ST6GAL2: variants seen among roughly 807,000 people sequenced by gnomAD.
The protein encoded by ST6GAL2 is ST6 beta-galactoside alpha-2,6-sialyltransferase 2.
ST6GAL2 carries 24 observed loss-of-function variants against 37.5 expected under a neutral mutation model. The observed-to-expected ratio is 0.64, with a 90% CI of 0.46 to 0.90. The LOEUF (loss-of-function observed/expected upper bound fraction) is 0.90. ST6GAL2 is among the 40% of genes least tolerant of loss of function. The pLI is 0.00. For missense variants in ST6GAL2, 715 were observed against 712.7 expected, an observed-to-expected ratio of 1.00 and a Z score of -0.04; for synonymous variants, 306 against 295.1, an observed-to-expected ratio of 1.04 and a Z score of -0.38.
At chr2:106,852,014 C>A (rs1017915393) in intron 1 of ST6GAL2, among the ~76,000 whole-genome samples, 58 of 152,128 alleles carry the variant, frequency 3.8e-4, no homozygotes, top group African/African-American at 1.4e-3. Context: ...CTCTTAACAC[C>A]CTTATTGGCA....
chr2:106,803,822 G>T lies in ST6GAL2; in HGVS notation c.*2856C>A, dbSNP rs1445991615. The T allele has an allele frequency of 6.6e-6, 1 of 152,162 alleles. No individual in the cohort carries two copies. Among genetic ancestry groups the T allele is most frequent in the Non-Finnish European group, 1.5e-5 (1 of 68,046 alleles). The allele number at this position is 152,162 out of a possible 1,614,324, so 9.4% of individuals were successfully genotyped here. On this transcript the variant is annotated 3_prime_UTR_variant, in exon 6 of 6. Transcript: ENST00000409382. ...AGAGACAGAACCTGGGAGAAATTCA[G>T]TGAGCTGCCACTTACTGTTAACTAC...
intron 5 of ST6GAL2, among the ~76,000 whole-genome samples, chr2:106,826,943 G>A (rs1157238050): frequency 6.6e-6 from 1 of 152,146 alleles, no homozygotes; most frequent in African/African-American, 2.4e-5. Flanking sequence ...CGGAGGCCAG[G>A]GACACTGCCA....
At position 106,829,876 on chromosome 2, in the gene ST6GAL2, G is replaced by A. The variant is rs80212560; in HGVS notation, c.1318+190C>T. ...CATTTTGGATTTTTGGATTAGAGATGCTCAATCGGTTAAATATCTGCAAAT... is the reference window on the plus strand; with the variant it reads ...CATTTTGGATTTTTGGATTAGAGATACTCAATCGGTTAAATATCTGCAAAT... On this transcript the variant is annotated intron_variant, in intron 5 of 5. Transcript: ENST00000409382. 3.0e-3 allele frequency among the ~76,000 whole-genome samples: 453 copies of A among 151,384 alleles called. 3 individuals carry two copies. The highest frequency in any genetic ancestry group is 0.017 in the Middle Eastern group (5 of 292).
chr2:106,878,438 T>C (rs1398436493), intron 1 of ST6GAL2, among the ~76,000 whole-genome samples: 1 of 152,126 alleles, frequency 6.6e-6, no homozygotes. Flanking sequence ...TACTCCAGCC[T>C]AGGCAACAGA....
Position 106,806,855 on chromosome 2 carries a change from C to G in ST6GAL2, c.1413G>C (p.Leu471=). The change falls in exon 6 of 6, where the codon CTG becomes CTC. Residue 471 remains leucine (L), a synonymous_variant. Transcript: ENST00000409382. ...CGAGGGTGCAGGCTGCGTCGTAGTA[C>G]AGCTCGTGGTAGTGGCACAGCTCCG... is the stretch of plus-strand genomic sequence containing the variant. ...RQTELCHYHE[L]YYDAACTLGA... is the part of the protein sequence containing the mutation. 6.2e-7 allele frequency: 1 copy of G among 1,614,176 alleles called. No homozygotes were observed. The highest frequency in any genetic ancestry group is 8.5e-7 in the Non-Finnish European group (1 of 1,180,048).
chr2:106,815,159 C>G (rs1675754694), intron 5 of ST6GAL2, among the ~76,000 whole-genome samples: 1 of 152,072 alleles, frequency 6.6e-6, no homozygotes, highest in Non-Finnish European at 1.5e-5. Flanking sequence ...TTCTGTGAAC[C>G]CAGAGGACAA....
At chr2:106,838,556 T>C (rs983700187) in intron 2 of ST6GAL2, among the ~76,000 whole-genome samples, 5 of 152,156 alleles carry the variant, frequency 3.3e-5, no homozygotes, top group Non-Finnish European at 5.9e-5. Context: ...CTCTCTACAG[T>C]GACTATCTGC....
In ST6GAL2 at chr2:106,874,320, G is replaced by A. The variant is rs145478310; in HGVS notation, c.-58+11773C>T. ...GTGGAAGTTAGGGGTTGGGAGGCGG[G>A]CAGAAGGAGAGGGAAGGAACCAAGT... On this transcript the variant is annotated intron_variant, in intron 1 of 5. Transcript: ENST00000409382. Among the ~76,000 whole-genome samples, 12 of 152,230 alleles carry A rather than the reference G, an allele frequency of 7.9e-5. No homozygotes were observed. The East Asian group carries it at 2.1e-3, about 27-fold the overall frequency.
chr2:106,815,625 TA>T (rs1196787359), intron 5 of ST6GAL2, among the ~76,000 whole-genome samples: 3 of 152,226 alleles, frequency 2.0e-5, no homozygotes, highest in African/African-American at 7.2e-5. Context: ...CAGCAAATAG[TA>T]AACATTAGTT....
intron 2 of ST6GAL2, among the ~76,000 whole-genome samples, chr2:106,840,800 C>T (rs1052014412): frequency 1.2e-4 from 19 of 152,192 alleles, no homozygotes; most frequent in Non-Finnish European, 2.4e-4. Flanking sequence ...CGAGGGACTG[C>T]CCACTGACAT....
chr2:106,811,536 G>T (rs1159044117), intron 5 of ST6GAL2, among the ~76,000 whole-genome samples: 1 of 152,096 alleles, frequency 6.6e-6, no homozygotes, highest in Admixed American at 6.6e-5. Flanking sequence ...AAAAGGTAAA[G>T]ATATTAAATA....
chr2:106,862,419 A>T (rs4676306), intron 1 of ST6GAL2, among the ~76,000 whole-genome samples: 1 of 152,022 alleles, frequency 6.6e-6, no homozygotes, highest in Non-Finnish European at 1.5e-5. Flanking sequence ...TCAAACAAAC[A>T]CTGAATTCAT....
At chr2:106,808,261 C>A (rs1675490729) in intron 5 of ST6GAL2, among the ~76,000 whole-genome samples, 1 of 152,108 alleles carries the variant, frequency 6.6e-6, no homozygotes, top group Admixed American at 6.5e-5. Context: ...GTGTGAAGCT[C>A]AAGGGGCTGC....
intron 1 of ST6GAL2, among the ~76,000 whole-genome samples, chr2:106,884,613 A>G (rs1261555621): frequency 1.3e-5 from 2 of 152,142 alleles, no homozygotes; most frequent in African/African-American, 4.8e-5. Context: ...GTAAGATGCT[A>G]CCATTTGTAT....
intron 1 of ST6GAL2, among the ~76,000 whole-genome samples, chr2:106,882,919 G>T (rs937051713): frequency 6.6e-6 from 1 of 152,218 alleles, no homozygotes; most frequent in East Asian, 1.9e-4. Flanking sequence ...TGCCTCTGAT[G>T]TCATTTCCAT....
chr2:106,836,064 C>T (rs894991667), intron 2 of ST6GAL2, among the ~76,000 whole-genome samples: 1 of 150,278 alleles, frequency 6.7e-6, no homozygotes, highest in Non-Finnish European at 1.5e-5. Context: ...ATTTACCATA[C>T]TAAAAGGTAA....
At chr2:106,842,749 T>C (rs1176043172) in intron 2 of ST6GAL2, among the ~76,000 whole-genome samples, 1 of 152,284 alleles carries the variant, frequency 6.6e-6, no homozygotes, top group South Asian at 2.1e-4. Flanking sequence ...TTCCTTCCAC[T>C]GCCTACTGGC....
chr2:106,812,262 G>T (rs188458156), intron 5 of ST6GAL2, among the ~76,000 whole-genome samples: 10 of 152,292 alleles, frequency 6.6e-5, no homozygotes, highest in African/African-American at 2.4e-4. Context: ...GCTCTCTAAC[G>T]TCTCACCTCC....
intron 1 of ST6GAL2, among the ~76,000 whole-genome samples, chr2:106,867,451 C>T (rs560967385): frequency 6.6e-6 from 1 of 152,152 alleles, no homozygotes; most frequent in Non-Finnish European, 1.5e-5. Flanking sequence ...ATTCATTGAA[C>T]AAGTATTCAC....
Sources: gnomAD v4.1 joint callset for allele counts (sites outside exome capture counted in the v4.1 genomes callset) on GRCh38, gnomAD v4.1.1 for gene constraint, MANE v1.5 for transcripts, NCBI Gene and HGNC (gene_info 2026-07-23, HGNC 2026-07-21) for gene names.